Variants in HS6ST3 observed in about 807,000 individuals in gnomAD.
HS6ST3 encodes heparan sulfate 6-O-sulfotransferase 3, also known as heparan-sulfate 6-O-sulfotransferase 3.
Under a neutral mutation model 36.7 loss-of-function variants are expected in HS6ST3, and 12 were observed. The ratio of observed to expected loss-of-function variants is 0.33; its 90% CI spans 0.21 to 0.53. HS6ST3 has a LOEUF of 0.53. HS6ST3 is among the 20% of genes least tolerant of loss of function. The pLI is 0.95. For missense variants in HS6ST3, 584 were observed against 640.9 expected (o/e 0.91, Z 0.96); for synonymous variants, 240 against 257.5 (o/e 0.93, Z 0.65).
At chr13:96,179,534 G>C (rs903896450) in intron 1 of HS6ST3, among the ~76,000 whole-genome samples, 9 of 152,152 alleles carry the variant, frequency 5.9e-5, no homozygotes, top group African/African-American at 2.2e-4. Flanking sequence ...GCCCACTGTG[G>C]GGAACAAGAT....
chr13:96,294,431 A>T (rs2054844739), intron 1 of HS6ST3, among the ~76,000 whole-genome samples: 1 of 152,116 alleles, frequency 6.6e-6, no homozygotes, highest in Non-Finnish European at 1.5e-5. Context: ...AAGTTAAAAG[A>T]AGGAAGTTTT....
At chr13:96,335,892 G>T (rs528125781) in intron 1 of HS6ST3, among the ~76,000 whole-genome samples, 1 of 152,302 alleles carries the variant, frequency 6.6e-6, no homozygotes. Flanking sequence ...CTATATATGA[G>T]ACTTTCTTTA....
chr13:96,665,406 T>C (rs1594831161), intron 1 of HS6ST3, among the ~76,000 whole-genome samples: 1 of 152,034 alleles, frequency 6.6e-6, no homozygotes, highest in East Asian at 1.9e-4. Flanking sequence ...GTACTAAAAA[T>C]AGGAAAATAA....
intron 1 of HS6ST3, among the ~76,000 whole-genome samples, chr13:96,369,332 T>C (rs2139439988): frequency 6.6e-6 from 1 of 152,160 alleles, no homozygotes; most frequent in East Asian, 1.9e-4. Flanking sequence ...GATACTTGAT[T>C]ATCAAATCAA....
At chr13:96,793,371 C>T (rs939912973) in intron 1 of HS6ST3, among the ~76,000 whole-genome samples, 4 of 152,008 alleles carry the variant, frequency 2.6e-5, no homozygotes, top group African/African-American at 9.7e-5. Context: ...TTCCTGGAAA[C>T]CCCCGGGTAC....
chr13:96,839,051 A>G lies in HS6ST3; in HGVS notation c.*5853A>G, dbSNP rs1049755873. On this transcript the variant is annotated 3_prime_UTR_variant, in exon 2 of 2. Transcript: ENST00000376705. ...ACTCAGTGGAACCTGTGTGAGCTAC[A>G]TGTTCTGCTGCATTATGGGAACTCA... is the stretch of plus-strand genomic sequence containing the variant. The G allele has an allele frequency of 6.6e-6, 1 of 152,202 alleles. No homozygotes were observed. The highest frequency in any genetic ancestry group is 1.5e-5 in the Non-Finnish European group (1 of 68,040). 9.4% of individuals were successfully genotyped at this position (152,202 alleles called of 1,614,324 possible). A position where few individuals can be genotyped will look rare whatever the true frequency, so the allele number is the denominator to read the frequency against.
At chr13:96,114,032 G>A (rs1347284435) in intron 1 of HS6ST3, among the ~76,000 whole-genome samples, 1 of 152,100 alleles carries the variant, frequency 6.6e-6, no homozygotes, top group African/African-American at 2.4e-5. Flanking sequence ...TATCTATTTA[G>A]TGATCAGCTT....
chr13:96,473,709 G>A (rs1455804226), intron 1 of HS6ST3, among the ~76,000 whole-genome samples: 1 of 152,176 alleles, frequency 6.6e-6, no homozygotes, highest in Non-Finnish European at 1.5e-5. Flanking sequence ...AAAATGAGAT[G>A]CCTTTGGAAT....
intron 1 of HS6ST3, among the ~76,000 whole-genome samples, chr13:96,485,103 T>C (rs941074597): frequency 2.0e-5 from 3 of 152,156 alleles, no homozygotes; most frequent in African/African-American, 7.2e-5. Context: ...TTAGAATCAG[T>C]TTATCAATGT....
intron 1 of HS6ST3, among the ~76,000 whole-genome samples, chr13:96,095,903 T>TGTGTGTGTGTGTGTGTGA (rs2053788466): frequency 6.7e-6 from 1 of 149,352 alleles, no homozygotes; most frequent in African/African-American, 2.5e-5. Context: ...TGTGTGTGTG[T>TGTGTGTGTGTGTGTGTGA]TATCAGGAAG....
In HS6ST3 at chr13:96,194,515, A is replaced by T. The variant is rs141592545; in HGVS notation, c.707+102946A>T. ...ACAAAATTATATATGTTTAAGATAT[A>T]TGATGTGATATCTTGATATACATCT... is the stretch of plus-strand genomic sequence containing the variant. On this transcript the variant is annotated intron_variant, in intron 1 of 1. Transcript: ENST00000376705. Among the ~76,000 whole-genome samples the T allele has an allele frequency of 6.0e-3, 912 of 152,278 alleles. 8 individuals carry two copies. The highest frequency in any genetic ancestry group is 0.011 in the South Asian group (51 of 4,830).
intron 1 of HS6ST3, among the ~76,000 whole-genome samples, chr13:96,544,740 C>A (rs1469407707): frequency 1.3e-5 from 2 of 152,082 alleles, no homozygotes; most frequent in African/African-American, 4.8e-5. Context: ...GTTTTCATCA[C>A]CTTCCGAAGT....
chr13:96,097,148 A>G (rs2139292737), intron 1 of HS6ST3, among the ~76,000 whole-genome samples: 1 of 152,266 alleles, frequency 6.6e-6, no homozygotes, highest in African/African-American at 2.4e-5. Context: ...GTAATAGATG[A>G]TTTATGCTTC....
rs139658637 is a variant in HS6ST3, at chr13:96,564,198, G to A, written c.708-268292G>A. On this transcript the variant is annotated intron_variant, in intron 1 of 1. Coordinates refer to ENST00000376705, the MANE Select transcript of HS6ST3 (RefSeq NM_153456.4). ...TTAGCACAGTACTTCTGGCTGATGC[G>A]TTTTGTAGAACTTTTCTTCTACCTA... Among the ~76,000 whole-genome samples, 432 of 152,222 alleles carry A rather than the reference G, an allele frequency of 2.8e-3. 1 individual carries two copies. Among genetic ancestry groups the A allele is most frequent in the African/African-American group, 8.5e-3 (355 of 41,544 alleles).
intron 1 of HS6ST3, among the ~76,000 whole-genome samples, chr13:96,633,319 T>C (rs1480062886): frequency 6.6e-6 from 1 of 152,186 alleles, no homozygotes; most frequent in Admixed American, 6.5e-5. Flanking sequence ...CAGCACACAG[T>C]TCTGCCTGTG....
intron 1 of HS6ST3, among the ~76,000 whole-genome samples, chr13:96,704,439 A>G (rs1247803588): frequency 1.3e-5 from 2 of 152,232 alleles, no homozygotes; most frequent in South Asian, 2.1e-4. Context: ...ATTGATGTGG[A>G]TGCCTCAAGT....
intron 1 of HS6ST3, among the ~76,000 whole-genome samples, chr13:96,350,024 C>T (rs1213813454): frequency 2.6e-5 from 4 of 152,112 alleles, no homozygotes; most frequent in African/African-American, 7.2e-5. Context: ...AAGGGCATAG[C>T]TGGGTATTAG....
intron 1 of HS6ST3, among the ~76,000 whole-genome samples, chr13:96,339,851 G>T (rs1237283276): frequency 1.3e-5 from 2 of 152,194 alleles, no homozygotes; most frequent in Admixed American, 1.3e-4. Flanking sequence ...GAAAAGGAAG[G>T]TGCTCTTTGT....
chr13:96,820,451 CATGGAGA>C (rs1373140100), intron 1 of HS6ST3, among the ~76,000 whole-genome samples: 13 of 152,044 alleles, frequency 8.6e-5, no homozygotes, highest in African/African-American at 3.1e-4. Flanking sequence ...CTCTAATAAT[CATGGAGA>C]AGGGAGAACG....
Sources: allele counts gnomAD v4.1 joint callset (sites outside exome capture counted in the v4.1 genomes callset), GRCh38; gene constraint gnomAD v4.1.1; transcripts MANE v1.5; gene names NCBI Gene and HGNC (gene_info 2026-07-23, HGNC 2026-07-21).